The following RBMS3 variants were observed in gnomAD, a reference collection of about 807,000 sequenced individuals.
The protein encoded by RBMS3 is RNA binding motif single stranded interacting protein 3, also known as RNA-binding motif, single-stranded-interacting protein 3.
Under a neutral mutation model 66.8 loss-of-function variants are expected in RBMS3, and 27 were observed. The ratio of observed to expected loss-of-function variants is 0.40; its 90% CI spans 0.30 to 0.56. RBMS3 has a LOEUF of 0.56. RBMS3 is among the 20% of genes least tolerant of loss of function. The probability of loss-of-function intolerance (pLI) is 0.40; values close to 1 mark genes in which losing one functional copy is unlikely to be tolerated. For synonymous variants in RBMS3, 188 were observed against 183.0 expected (o/e 1.03, Z -0.22); for missense variants, 513 against 549.5 (o/e 0.93, Z 0.66).
rs9812861 is a variant in RBMS3 at position 29,689,806 on chromosome 3, G to A, written c.400-49914G>A. 7.9e-3 allele frequency among the ~76,000 whole-genome samples: 1,195 copies of A among 150,936 alleles called. 10 individuals carry two copies. Among genetic ancestry groups the A allele is most frequent in the Middle Eastern group, 0.031 (9 of 292 alleles). ...TTTTAAAAGAGAGGTATGGCCAGGA[G>A]CAGTGGCTCATGCATGTAATCCCAA... is the stretch of plus-strand genomic sequence containing the variant. On this transcript the variant is annotated intron_variant, in intron 4 of 14. Transcript: ENST00000383767.
At chr3:29,681,431 C>T (rs1387028420) in intron 4 of RBMS3, among the ~76,000 whole-genome samples, 1 of 151,954 alleles carries the variant, frequency 6.6e-6, no homozygotes, top group Non-Finnish European at 1.5e-5. Context: ...TGGTTTGGAT[C>T]ACATATTATC....
chr3:29,308,755 AC>A (rs145567009), intron 1 of RBMS3, among the ~76,000 whole-genome samples: 24,259 of 70,794 alleles, frequency 0.34, 2,312 homozygotes, highest in South Asian at 0.41. Context: ...ACAAAAAAAA[AC>A]AAAAAAAAAA....
chr3:29,788,478 G>A (rs1262893300), intron 6 of RBMS3, among the ~76,000 whole-genome samples: 2 of 152,176 alleles, frequency 1.3e-5, no homozygotes, highest in South Asian at 2.1e-4. Flanking sequence ...GCCTGCCTCA[G>A]CCTCCCAAAG....
chr3:30,002,603 A>T (rs537526359), intron 14 of RBMS3, among the ~76,000 whole-genome samples: 1 of 152,172 alleles, frequency 6.6e-6, no homozygotes, highest in South Asian at 2.1e-4. Flanking sequence ...TTCTTAGAAG[A>T]TATCTCACTT....
chr3:29,948,101 A>T (rs1319047657), intron 12 of RBMS3, among the ~76,000 whole-genome samples: 1 of 151,718 alleles, frequency 6.6e-6, no homozygotes, highest in Non-Finnish European at 1.5e-5. Context: ...TGAAATAATA[A>T]GTGTTATCAG....
At chr3:29,494,896 G>A (rs527673456) in intron 3 of RBMS3, among the ~76,000 whole-genome samples, 1 of 148,050 alleles carries the variant, frequency 6.8e-6, no homozygotes, top group South Asian at 2.1e-4. Context: ...TTAACCATAG[G>A]ATATAAGAGT....
intron 1 of RBMS3, among the ~76,000 whole-genome samples, chr3:29,312,507 A>G (rs751832462): frequency 6.6e-6 from 1 of 151,752 alleles, no homozygotes; most frequent in Non-Finnish European, 1.5e-5. Context: ...TGGTAGAATT[A>G]GTAAGTGACC....
chr3:29,540,849 G>T (rs1424876319), intron 3 of RBMS3, among the ~76,000 whole-genome samples: 2 of 152,234 alleles, frequency 1.3e-5, no homozygotes, highest in South Asian at 2.1e-4. Flanking sequence ...TTCAGAAAGA[G>T]CAGTGGTGAT....
intron 5 of RBMS3, among the ~76,000 whole-genome samples, chr3:29,745,175 G>A (rs940805157): frequency 6.6e-6 from 1 of 152,122 alleles, no homozygotes; most frequent in South Asian, 2.1e-4. Flanking sequence ...CAAAATTACA[G>A]GCTTTTCAAA....
chr3:29,359,640 C>G (rs929488978), intron 1 of RBMS3, among the ~76,000 whole-genome samples: 6 of 152,138 alleles, frequency 3.9e-5, no homozygotes, highest in Non-Finnish European at 2.9e-5. Context: ...CCTTCTTGTA[C>G]CTCTGGTAGA....
chr3:29,970,323 A>C (rs1215240541), intron 12 of RBMS3, among the ~76,000 whole-genome samples: 1 of 152,096 alleles, frequency 6.6e-6, no homozygotes. Flanking sequence ...TAGGAGATAA[A>C]AATGAAGAGT....
At chr3:29,739,578 G>C (rs1240841251) in intron 4 of RBMS3, 142 bp from the exon 5 acceptor site, 1 of 595,074 alleles carries the variant, frequency 1.7e-6, no homozygotes, top group East Asian at 3.1e-5. Context: ...TCAGTAAAAA[G>C]AAGTAATGCC....
At position 29,281,312 on chromosome 3, in the gene RBMS3, T is replaced by TA. The variant is rs386396245; in HGVS notation, c.-370_-369insA. 3.1e-5 allele frequency: 3 copies of TA among 96,500 alleles called. No individual in the cohort carries two copies. Among genetic ancestry groups the TA allele is most frequent in the Non-Finnish European group, 4.8e-5 (3 of 62,496 alleles). 6.0% of individuals were successfully genotyped at this position (96,500 alleles called of 1,614,324 possible). ...CGGAGTTGTGCTAAAAGGACTTTGA[T>TA]TTTTTTCCCCCTTTACGAACGCTGG... On this transcript the variant is annotated 5_prime_UTR_variant, in exon 1 of 15. Transcript: ENST00000383767.
intron 12 of RBMS3, among the ~76,000 whole-genome samples, chr3:29,949,198 G>T (rs1028007496): frequency 2.0e-5 from 3 of 150,892 alleles, no homozygotes; most frequent in Non-Finnish European, 4.4e-5. Context: ...TTGTTTTTTG[G>T]TTTTTGTTTT....
At chr3:29,811,550 C>T (rs79049188) in intron 6 of RBMS3, among the ~76,000 whole-genome samples, 4 of 152,280 alleles carry the variant, frequency 2.6e-5, no homozygotes, top group East Asian at 3.9e-4. Context: ...ATTCTAAGGT[C>T]TCATAGGAAA....
intron 2 of RBMS3, among the ~76,000 whole-genome samples, chr3:29,438,716 A>C (rs2041494659): frequency 6.6e-6 from 1 of 152,200 alleles, no homozygotes. Flanking sequence ...TTCTTGAGAC[A>C]CCTTAAGGAA....
At chr3:29,760,055 T>G (rs1380495364) in intron 5 of RBMS3, among the ~76,000 whole-genome samples, 1 of 152,042 alleles carries the variant, frequency 6.6e-6, no homozygotes, top group African/African-American at 2.4e-5. Context: ...TGTCTTTGTG[T>G]TCATAGAAAC....
chr3:29,404,084 G>A (rs1004010645), intron 1 of RBMS3, among the ~76,000 whole-genome samples: 11 of 152,074 alleles, frequency 7.2e-5, no homozygotes, highest in Non-Finnish European at 1.0e-4. Context: ...TCAGACTATC[G>A]AAGATGAAAA....
chr3:29,952,790 G>A (rs983687671), intron 12 of RBMS3, among the ~76,000 whole-genome samples: 1 of 151,578 alleles, frequency 6.6e-6, no homozygotes, highest in Non-Finnish European at 1.5e-5. Context: ...TTTTTATCAG[G>A]GAACTTTATG....
Sources: gnomAD v4.1 joint callset for allele counts (sites outside exome capture counted in the v4.1 genomes callset) on GRCh38, gnomAD v4.1.1 for gene constraint, MANE v1.5 for transcripts, NCBI Gene and HGNC (gene_info 2026-07-23, HGNC 2026-07-21) for gene names.